The following FGF12 variants were observed in gnomAD, a reference collection of about 807,000 sequenced individuals.
FGF12 encodes the protein fibroblast growth factor 12.
FGF12 carries 14 observed loss-of-function variants against 23.6 expected under a neutral mutation model. The ratio of observed to expected loss-of-function variants is 0.59; its 90% CI spans 0.39 to 0.93. FGF12 has a LOEUF of 0.93. FGF12 is among the 40% of genes least tolerant of loss of function. FGF12 has a pLI of 0.00. For synonymous variants in FGF12, 62 were observed against 77.3 expected (o/e 0.80, Z 1.04); for missense variants, 175 against 217.8 (o/e 0.80, Z 1.24).
At chr3:192,515,594 G>T (rs1198031172) in intron 2 of FGF12, 1 of 152,668 alleles carries the variant, frequency 6.6e-6, no homozygotes, top group Non-Finnish European at 1.5e-5. Flanking sequence ...CGGCGTGCTT[G>T]TTTGTCCCCG....
intron 4 of FGF12, among the ~76,000 whole-genome samples, chr3:192,208,758 A>G (rs1265186635): frequency 6.6e-6 from 1 of 152,324 alleles, no homozygotes; most frequent in Non-Finnish European, 1.5e-5. Flanking sequence ...TACTGGGAGC[A>G]ACTCCTTTGT....
intron 2 of FGF12, among the ~76,000 whole-genome samples, chr3:192,696,515 G>T: frequency 6.6e-6 from 1 of 152,104 alleles, no homozygotes; most frequent in Non-Finnish European, 1.5e-5. Context: ...CTAGTACATT[G>T]CAGGCATGCT....
chr3:192,726,173 A>T (rs1719207792), intron 2 of FGF12, among the ~76,000 whole-genome samples: 2 of 152,244 alleles, frequency 1.3e-5, no homozygotes, highest in South Asian at 4.1e-4. Context: ...TCCTAAGTAC[A>T]TTACCACAGT....
intron 2 of FGF12, among the ~76,000 whole-genome samples, chr3:192,560,523 G>A (rs1362369570): frequency 6.6e-6 from 1 of 152,020 alleles, no homozygotes; most frequent in African/African-American, 2.4e-5. Context: ...GCATGTCATT[G>A]TAGATTCTAT....
chr3:192,276,592 C>T (rs1353208061), intron 4 of FGF12, among the ~76,000 whole-genome samples: 1 of 152,056 alleles, frequency 6.6e-6, no homozygotes, highest in Middle Eastern at 3.2e-3. Context: ...TTTTTCTGTC[C>T]TTTTCCTGTC....
At chr3:192,262,200 G>A (rs564869361) in intron 4 of FGF12, among the ~76,000 whole-genome samples, 3 of 152,222 alleles carry the variant, frequency 2.0e-5, no homozygotes, top group East Asian at 1.9e-4. Flanking sequence ...AGTTCCCCAC[G>A]TGCAGCTTTT....
chr3:192,517,962 GACAAA>G (rs1451516622), intron 2 of FGF12, among the ~76,000 whole-genome samples: 5 of 151,738 alleles, frequency 3.3e-5, no homozygotes, highest in Non-Finnish European at 7.4e-5. Context: ...TCCCAAAAAA[GACAAA>G]ACAAAACAAA....
chr3:192,404,414 G>A (rs978755677), intron 2 of FGF12, among the ~76,000 whole-genome samples: 5 of 152,000 alleles, frequency 3.3e-5, no homozygotes, highest in Admixed American at 6.6e-5. Context: ...AATAACTTCC[G>A]AGTCAAAACA....
intron 2 of FGF12, among the ~76,000 whole-genome samples, chr3:192,525,029 C>T (rs962300488): frequency 1.3e-5 from 2 of 152,058 alleles, no homozygotes; most frequent in Non-Finnish European, 2.9e-5. Flanking sequence ...TCTTCAGAAA[C>T]ATCATTTTTC....
At chr3:192,582,692 A>G (rs1713205941) in intron 2 of FGF12, among the ~76,000 whole-genome samples, 2 of 37,720 alleles carry the variant, frequency 5.3e-5, no homozygotes, top group South Asian at 5.6e-4. Context: ...AAAAAAAAGA[A>G]AAAAAAAAAT....
In FGF12 at chr3:192,638,689, C is replaced by T. The variant is rs193154524; in HGVS notation, c.13+88492G>A. Among the ~76,000 whole-genome samples the T allele has an allele frequency of 2.0e-5, 3 of 152,256 alleles. No homozygotes were observed. The East Asian group carries it at 5.8e-4, about 29-fold the overall frequency. On this transcript the variant is annotated intron_variant, in intron 2 of 5. Coordinates refer to ENST00000445105, the MANE Select transcript of FGF12 (RefSeq NM_004113.6). ...AGAAGCATTAACTAATTAAGTTTCA[C>T]CACATGCCCACAAGGTAGGTATTAG... is the stretch of plus-strand genomic sequence containing the variant.
At chr3:192,666,179 CCTTT>C (rs1560187473) in intron 2 of FGF12, among the ~76,000 whole-genome samples, 1 of 152,072 alleles carries the variant, frequency 6.6e-6, no homozygotes, top group Non-Finnish European at 1.5e-5. Flanking sequence ...ATTTTAAATA[CCTTT>C]CTTTTTCATA....
chr3:192,549,865 T>C (rs965290523), intron 2 of FGF12, among the ~76,000 whole-genome samples: 1 of 152,072 alleles, frequency 6.6e-6, no homozygotes, highest in African/African-American at 2.4e-5. Context: ...CTTACACCAT[T>C]AGCATTCCTG....
intron 2 of FGF12, among the ~76,000 whole-genome samples, chr3:192,610,106 T>G (rs1480853367): frequency 6.6e-6 from 1 of 152,022 alleles, no homozygotes; most frequent in East Asian, 1.9e-4. Flanking sequence ...AACTTTTCAG[T>G]CTTTGAACAT....
chr3:192,339,934 T>C (rs540507446), intron 3 of FGF12, among the ~76,000 whole-genome samples: 2 of 152,298 alleles, frequency 1.3e-5, no homozygotes, highest in South Asian at 4.1e-4. Flanking sequence ...TCCAGGAATG[T>C]AGGTTTTCTT....
At chr3:192,477,724 A>C (rs999509260) in intron 2 of FGF12, among the ~76,000 whole-genome samples, 2 of 152,148 alleles carry the variant, frequency 1.3e-5, no homozygotes, top group African/African-American at 2.4e-5. Flanking sequence ...ATTAGCTATA[A>C]ATTATTAGTA....
intron 2 of FGF12, among the ~76,000 whole-genome samples, chr3:192,536,303 A>G (rs1725221165): frequency 6.6e-6 from 1 of 152,202 alleles, no homozygotes; most frequent in Non-Finnish European, 1.5e-5. Context: ...TCTTAGCAGA[A>G]AAGGACTGCT....
At chr3:192,512,107 G>C (rs1030180722) in intron 2 of FGF12, among the ~76,000 whole-genome samples, 49 of 152,170 alleles carry the variant, frequency 3.2e-4, no homozygotes, top group African/African-American at 1.2e-3. Context: ...TCCCTCAACT[G>C]TAAAATAATG....
chr3:192,674,573 A>G (rs1717254322), intron 2 of FGF12, among the ~76,000 whole-genome samples: 1 of 152,158 alleles, frequency 6.6e-6, no homozygotes, highest in African/African-American at 2.4e-5. Flanking sequence ...TGTGATCCCT[A>G]AGTTGCTTTC....
Sources: allele counts gnomAD v4.1 joint callset (sites outside exome capture counted in the v4.1 genomes callset), GRCh38; gene constraint gnomAD v4.1.1; transcripts MANE v1.5; gene names NCBI Gene and HGNC (gene_info 2026-07-23, HGNC 2026-07-21).